The following MEI1 variants were observed in gnomAD, a reference collection of about 807,000 sequenced individuals.
The protein encoded by MEI1 is meiotic double-stranded break formation protein 1.
Under a neutral mutation model 146.2 loss-of-function variants are expected in MEI1, and 103 were observed. That is an observed-to-expected ratio of 0.70 (90% CI 0.60 to 0.83). The LOEUF is 0.83. Ranked by LOEUF, MEI1 falls within the 40% of genes least tolerant of loss-of-function variation. The probability of loss-of-function intolerance (pLI) is 0.00; values close to 1 mark genes in which losing one functional copy is unlikely to be tolerated. For missense variants in MEI1, 1,529 were observed against 1,533.0 expected (o/e 1.00, Z 0.04); for synonymous variants, 652 against 628.2 (o/e 1.04, Z -0.57).
chr22:41,760,304 T>A (rs2074394917), intron 18 of MEI1, among the ~76,000 whole-genome samples: 1 of 149,376 alleles, frequency 6.7e-6, no homozygotes, highest in Non-Finnish European at 1.5e-5. Context: ...AGAGAGACTC[T>A]GTCTCAAAAA....
At chr22:41,729,419 G>A (rs1364294010) in intron 7 of MEI1, among the ~76,000 whole-genome samples, 4 of 152,188 alleles carry the variant, frequency 2.6e-5, no homozygotes, top group Non-Finnish European at 5.9e-5. Flanking sequence ...CAGTTACAGT[G>A]TTCTTTGAGT....
At chr22:41,746,189 TGTA>T in intron 14 of MEI1, 163 bp downstream of exon 14, 2 of 551,240 alleles carry the variant, frequency 3.6e-6, no homozygotes, top group Non-Finnish European at 2.9e-6. Context: ...AAAAATAAAA[TGTA>T]GTGTTTGATT....
At chr22:41,773,797 C>G (rs2075309247) in intron 20 of MEI1, among the ~76,000 whole-genome samples, 1 of 152,114 alleles carries the variant, frequency 6.6e-6, no homozygotes, top group Non-Finnish European at 1.5e-5. Flanking sequence ...ATCGCTTGAA[C>G]CCAGGAGGCG....
intron 3 of MEI1, among the ~76,000 whole-genome samples, chr22:41,708,084 C>T (rs1174661345): frequency 6.6e-6 from 1 of 152,202 alleles, no homozygotes; most frequent in Non-Finnish European, 1.5e-5. Flanking sequence ...TTGTCCCCAA[C>T]ATAAGGAGGT....
At chr22:41,796,103 G>A (rs1054991044) in intron 30 of MEI1, among the ~76,000 whole-genome samples, 1 of 152,144 alleles carries the variant, frequency 6.6e-6, no homozygotes, top group African/African-American at 2.4e-5. Context: ...TCAATTAACA[G>A]TGTTGACAAC....
chr22:41,766,463 C>T (rs1444253931), intron 19 of MEI1, among the ~76,000 whole-genome samples: 1 of 152,126 alleles, frequency 6.6e-6, no homozygotes, highest in Non-Finnish European at 1.5e-5. Context: ...AGCCACCGTG[C>T]CTGGCTTACA....
rs938482196 is a variant in MEI1 at position 41,799,372 on chromosome 22, A to G, written c.*73A>G. ...GACAAAGGGCATAATTGTTGGGGAA[A>G]TGGATGACAGCTGAAGCTATTCATA... On this transcript the variant is annotated 3_prime_UTR_variant, in exon 31 of 31. Transcript: ENST00000401548. The G allele has an allele frequency of 2.1e-6, 3 of 1,434,486 alleles. No individual in the cohort carries two copies. In the African/African-American group the frequency reaches 4.2e-5, roughly 20 times the overall value. 88.9% of individuals were successfully genotyped at this position (1,434,486 alleles called of 1,614,324 possible). A position where few individuals can be genotyped will look rare whatever the true frequency, so the allele number is the denominator to read the frequency against.
At chr22:41,776,317 A>G (rs749158696) in intron 21 of MEI1, 50 bp downstream of exon 21, 4 of 1,594,714 alleles carry the variant, frequency 2.5e-6, no homozygotes, top group Non-Finnish European at 2.6e-6. Context: ...GCCAGTCGAG[A>G]ATGGGCATCT....
intron 26 of MEI1, among the ~76,000 whole-genome samples, chr22:41,787,631 G>T (rs947968951): frequency 6.6e-6 from 1 of 152,130 alleles, no homozygotes; most frequent in African/African-American, 2.4e-5. Flanking sequence ...GGTGAGGAGG[G>T]CCAGTTAGGG....
chr22:41,781,410 C>A lies in MEI1; in HGVS notation c.2926+16C>A. 3.8e-6 allele frequency: 6 copies of A among 1,589,154 alleles called. No individual in the cohort carries two copies. The highest frequency in any genetic ancestry group is 5.2e-6 in the Non-Finnish European group (6 of 1,163,150). On this transcript the variant is annotated intron_variant, in intron 23 of 30. Transcript: ENST00000401548. ...CAGAAAAGAGGTGCAGGGGCCCGGG[C>A]TGGGACAGTGAAGAGTGCTGGGCAG...
At chr22:41,757,244 G>A (rs752984777) in intron 17 of MEI1, among the ~76,000 whole-genome samples, 3 of 152,150 alleles carry the variant, frequency 2.0e-5, no homozygotes, top group Admixed American at 6.5e-5. Flanking sequence ...ACAGGGGCCC[G>A]CCACCTCGCC....
intron 26 of MEI1, among the ~76,000 whole-genome samples, chr22:41,791,534 G>T (rs940886639): frequency 2.6e-5 from 4 of 152,154 alleles, no homozygotes; most frequent in African/African-American, 7.2e-5. Flanking sequence ...GAAAGATGGG[G>T]GCAAGGAGAG....
chr22:41,747,595 C>G (rs9611652), intron 14 of MEI1, among the ~76,000 whole-genome samples: 12,113 of 151,742 alleles, frequency 0.08, 1,334 homozygotes, highest in African/African-American at 0.25. Flanking sequence ...TCCCAGCTAC[C>G]TGGGAGGATG....
chr22:41,729,269 G>T (rs2071646781), intron 7 of MEI1, among the ~76,000 whole-genome samples: 1 of 152,040 alleles, frequency 6.6e-6, no homozygotes, highest in Non-Finnish European at 1.5e-5. Flanking sequence ...GGAGGCAGAG[G>T]TTGCAGTGAG....
Position 41,795,190 on chromosome 22 carries a change from G to A in MEI1, c.3535-221G>A, listed in dbSNP as rs1310012738. On this transcript the variant is annotated intron_variant, in intron 28 of 30. Transcript: ENST00000401548. The surrounding 1 kb of genome is among the most constrained non-coding windows in gnomAD (Gnocchi z 4.2). ...GGTAGGAGGGAGCCAAGGCCAAAGGGGTCAGGAGGGCCAGCTCTCTCAGGA... is the reference window on the plus strand; with the variant it reads ...GGTAGGAGGGAGCCAAGGCCAAAGGAGTCAGGAGGGCCAGCTCTCTCAGGA... Among the ~76,000 whole-genome samples, 2 of 152,100 alleles carry A rather than the reference G, an allele frequency of 1.3e-5. No homozygotes were observed. Among genetic ancestry groups the A allele is most frequent in the African/African-American group, 2.4e-5 (1 of 41,410 alleles).
rs1244387726 is a variant in MEI1, at chr22:41,776,246, C to T, written c.2689C>T (p.His897Tyr). 6.2e-7 allele frequency: 1 copy of T among 1,613,760 alleles called. No homozygotes were observed. The highest frequency in any genetic ancestry group is 8.5e-7 in the Non-Finnish European group (1 of 1,179,860). The change falls in exon 21 of 31, where the codon CAT (histidine) becomes TAT (tyrosine). Residue 897 changes from histidine to tyrosine, a missense_variant. Physicochemically the swap from His to Tyr is moderately conservative, Grantham distance 83. Around this residue, in one of 3 missense-constraint regions of MEI1, gnomAD observed 1,212 missense variants for 1,178.9 expected, o/e 1.03. Coordinates refer to ENST00000401548, the MANE Select transcript of MEI1 (RefSeq NM_152513.4). ...GATCCTGCAGCGTCTGCTAGTGGAG[C>T]ATGGGGCATCCCCATCAGGAGGTCA... ...LLILQRLLVEHGASPSGASGN... is the reference protein window; with the variant it reads ...LLILQRLLVEYGASPSGASGN...
Position 41,771,055 on chromosome 22 carries a change from C to T in MEI1, c.2544+94C>T, listed in dbSNP as rs1229509694. 4.4e-6 allele frequency: 6 copies of T among 1,367,126 alleles called. No homozygotes were observed. In the Admixed American group the frequency reaches 6.0e-5, roughly 14 times the overall value. The allele number at this position is 1,367,126 out of a possible 1,614,324, so 84.7% of individuals were successfully genotyped here. A position where few individuals can be genotyped will look rare whatever the true frequency, so the allele number is the denominator to read the frequency against. On this transcript the variant is annotated intron_variant, in intron 20 of 30. Coordinates refer to ENST00000401548, the MANE Select transcript of MEI1 (RefSeq NM_152513.4). ...TGAGGTCAGGAGGCACCCACATCTG[C>T]TTCAGCCCACCTCCAGACTTATCAC...
chr22:41,778,302 T>TC (rs1045644201), intron 21 of MEI1, among the ~76,000 whole-genome samples: 8 of 26,426 alleles, frequency 3.0e-4, no homozygotes, highest in Admixed American at 1.0e-3. Flanking sequence ...TACTATTACA[T>TC]TGGGGGTTAA....
chr22:41,792,654 A>T (rs543755919), intron 26 of MEI1, among the ~76,000 whole-genome samples: 21 of 152,260 alleles, frequency 1.4e-4, no homozygotes, highest in African/African-American at 4.3e-4. Context: ...TATGGGGGTG[A>T]TAAGTGTATG....
Sources: gnomAD v4.1 joint callset for allele counts (sites outside exome capture counted in the v4.1 genomes callset) on GRCh38, gnomAD v4.1.1 for gene constraint, gnomAD v4.1.1 regional missense constraint, Gnocchi (gnomAD v3.1) non-coding constraint, MANE v1.5 for transcripts, NCBI Gene and HGNC (gene_info 2026-07-23, HGNC 2026-07-21) for gene names.